Variants in CD1B observed in about 807,000 individuals in gnomAD.
CD1B encodes the protein T-cell surface glycoprotein CD1b.
CD1B carries 43 observed loss-of-function variants against 39.8 expected under a neutral mutation model. That is an observed-to-expected ratio of 1.08 (90% CI 0.85 to 1.39). The LOEUF is 1.39. Ranked by LOEUF, CD1B falls within the 40% of genes most tolerant of loss-of-function variation. The pLI is 0.00. For synonymous variants in CD1B, 192 were observed against 152.5 expected (o/e 1.26, Z -1.91); for missense variants, 495 against 403.8 (o/e 1.23, Z -1.94).
chr1:158,318,290 G>T, the CD1B span, among the ~76,000 whole-genome samples: 2 of 152,126 alleles, frequency 1.3e-5, no homozygotes, highest in African/African-American at 4.8e-5. Context: ...ATTAATGTGT[G>T]GGAGTCTAAG....
chr1:158,328,311 A>G lies in CD1B; in HGVS notation c.981-54T>C. ...CCACATAAAAGATGTTTGTACACCC[A>G]TGCTCATAGTAATATTATTCATGAT... is the stretch of plus-strand genomic sequence containing the variant. On this transcript the variant is annotated intron_variant, in intron 5 of 5. Transcript: ENST00000368168. 3.6e-6 allele frequency: 5 copies of G among 1,400,604 alleles called. No individual in the cohort carries two copies. In the South Asian group the frequency reaches 5.9e-5, roughly 17 times the overall value. The allele number at this position is 1,400,604 out of a possible 1,614,324, so 86.8% of individuals were successfully genotyped here.
chr1:158,329,126 T>C (rs895439821), intron 4 of CD1B, 112 bp from the exon 5 acceptor site: 69 of 1,013,162 alleles, frequency 6.8e-5, no homozygotes, highest in Non-Finnish European at 9.6e-5. Flanking sequence ...ACTTCCTCTC[T>C]CATATTCCTG....
At chr1:158,323,106 C>T (rs1029835740), downstream of CD1B, among the ~76,000 whole-genome samples, 12 of 152,150 alleles carry the variant, frequency 7.9e-5, no homozygotes, top group Middle Eastern at 3.4e-3. Context: ...TTTCTGTACC[C>T]TCTTGAACTC....
Position 158,329,558 on chromosome 1 carries a change from G to A in CD1B, c.698C>T (p.Pro233Leu). Residue 233 changes from proline to leucine, a missense_variant, in exon 4 of 6, where the codon CCC becomes CTC. Coordinates refer to ENST00000368168, the MANE Select transcript of CD1B (RefSeq NM_001764.3). ...VCHVSGFYPK[P>L]VWVMWMRGEQ... ...ACCCCGCATCCACATCACCCACACG[G>A]GCTTTGGGTAGAATCCTGAGACATG... The A allele has an allele frequency of 6.2e-7, 1 of 1,614,076 alleles. No individual in the cohort carries two copies. Among genetic ancestry groups the A allele is most frequent in the Non-Finnish European group, 8.5e-7 (1 of 1,180,018 alleles).
At chr1:158,315,797 C>A in the CD1B span, among the ~76,000 whole-genome samples, 6 of 152,008 alleles carry the variant, frequency 3.9e-5, no homozygotes, top group African/African-American at 1.2e-4. Flanking sequence ...TTAGCTCTAA[C>A]GTTTAAGTCT....
Position 158,329,837 on chromosome 1 carries a change from A to G in CD1B, c.607+15T>C, listed in dbSNP as rs1177273280. The G allele has an allele frequency of 6.2e-7, 1 of 1,605,316 alleles. No homozygotes were observed. Among genetic ancestry groups the G allele is most frequent in the Non-Finnish European group, 8.5e-7 (1 of 1,175,294 alleles). On this transcript the variant is annotated intron_variant, in intron 3 of 5. Transcript: ENST00000368168. ...TAGAGGAGGTGGTGGGAAGTGAAAT[A>G]ACAGCAGGACTAACCTTGTCTTTGC...
chr1:158,286,405 C>T, the CD1B span, among the ~76,000 whole-genome samples: 2 of 152,206 alleles, frequency 1.3e-5, no homozygotes, highest in Non-Finnish European at 2.9e-5. Flanking sequence ...CTCCACCCTT[C>T]CTTTTTAGGG....
the CD1B span, among the ~76,000 whole-genome samples, chr1:158,316,658 C>T: frequency 2.7e-5 from 4 of 150,698 alleles, no homozygotes; most frequent in Non-Finnish European, 5.9e-5. Context: ...TTTCCTTCTC[C>T]TGCCTAATTG....
chr1:158,300,746 G>C, the CD1B span, among the ~76,000 whole-genome samples: 170 of 146,548 alleles, frequency 1.2e-3, no homozygotes, highest in Non-Finnish European at 2.1e-3. Flanking sequence ...GGCCTTCTTT[G>C]TCTCTCTCTC....
At chr1:158,288,577 G>T in the CD1B span, among the ~76,000 whole-genome samples, 2 of 152,070 alleles carry the variant, frequency 1.3e-5, no homozygotes, top group East Asian at 3.9e-4. Flanking sequence ...TTTTTTTATC[G>T]AGATGAGGTC....
chr1:158,330,571 G>A (rs1298669871), intron 2 of CD1B: 1 of 696,050 alleles, frequency 1.4e-6, no homozygotes, highest in South Asian at 1.5e-5. Flanking sequence ...TGGTTACAAA[G>A]TGGAAGACAG....
chr1:158,320,151 G>T, the CD1B span, among the ~76,000 whole-genome samples: 1 of 152,232 alleles, frequency 6.6e-6, no homozygotes, highest in East Asian at 1.9e-4. Context: ...GCCTACAGAG[G>T]CAGGCAGGCC....
the CD1B span, among the ~76,000 whole-genome samples, chr1:158,287,467 C>T: frequency 6.6e-6 from 1 of 152,162 alleles, no homozygotes; most frequent in Non-Finnish European, 1.5e-5. Flanking sequence ...AATATAATCA[C>T]ACTGAGAGTT....
chr1:158,314,704 G>A, the CD1B span, among the ~76,000 whole-genome samples: 1 of 151,416 alleles, frequency 6.6e-6, no homozygotes, highest in Admixed American at 6.6e-5. Context: ...TGTGCACATT[G>A]TGCATGTTAG....
chr1:158,300,387 G>A, the CD1B span, among the ~76,000 whole-genome samples: 3 of 152,072 alleles, frequency 2.0e-5, no homozygotes, highest in South Asian at 6.2e-4. Flanking sequence ...GCTGAGGAGT[G>A]CTTTACTTCC....
chr1:158,303,178 AAC>A, the CD1B span, among the ~76,000 whole-genome samples: 1 of 152,210 alleles, frequency 6.6e-6, no homozygotes, highest in East Asian at 1.9e-4. Context: ...AAAAACAAAA[AAC>A]ACATGATTAT....
chr1:158,299,776 A>T, the CD1B span, among the ~76,000 whole-genome samples: 2 of 152,074 alleles, frequency 1.3e-5, no homozygotes, highest in East Asian at 3.9e-4. Context: ...ATTTGCACAG[A>T]GATGTTTATA....
chr1:158,328,268 C>T lies in CD1B; in HGVS notation c.981-11G>A, dbSNP rs185915931. 1.4e-4 allele frequency: 225 copies of T among 1,608,462 alleles called. No homozygotes were observed. Among genetic ancestry groups the T allele is most frequent in the Non-Finnish European group, 1.8e-4 (210 of 1,175,460 alleles). On this transcript the variant is annotated splice_polypyrimidine_tract_variant and intron_variant, in intron 5 of 5. Coordinates refer to ENST00000368168, the MANE Select transcript of CD1B (RefSeq NM_001764.3). ...ATATTCTGATATGACCTGTTAAAAA[C>T]AGAAGAACAAAAGAGCTCCACATAA...
At position 158,329,842 on chromosome 1, in the gene CD1B, C is replaced by G; in HGVS notation, c.607+10G>C. On this transcript the variant is annotated intron_variant, in intron 3 of 5. Coordinates refer to ENST00000368168, the MANE Select transcript of CD1B (RefSeq NM_001764.3). The stretch of plus-strand genomic sequence containing the variant: ...GAGGTGGTGGGAAGTGAAATAACAG[C>G]AGGACTAACCTTGTCTTTGCAGATC... 6.2e-7 allele frequency: 1 copy of G among 1,607,804 alleles called. No individual in the cohort carries two copies. Among genetic ancestry groups the G allele is most frequent in the Non-Finnish European group, 8.5e-7 (1 of 1,176,618 alleles).
Sources: allele counts gnomAD v4.1 joint callset (sites outside exome capture counted in the v4.1 genomes callset), GRCh38; gene constraint gnomAD v4.1.1; transcripts MANE v1.5; gene names NCBI Gene and HGNC (gene_info 2026-07-23, HGNC 2026-07-21).